TNC: variants seen among roughly 807,000 people sequenced by gnomAD.
TNC encodes tenascin.
In TNC, 109 loss-of-function variants were observed where a neutral mutation model predicts 202.4. That is an observed-to-expected ratio of 0.54 (90% CI 0.46 to 0.63). The LOEUF (loss-of-function observed/expected upper bound fraction) is 0.63. Among genes scored for constraint, TNC ranks in the 30% least tolerant of loss-of-function variants. TNC has a pLI of 0.00. For missense variants in TNC, 2,756 were observed against 2,833.3 expected (o/e 0.97, Z 0.62); for synonymous variants, 1,007 against 1,089.7 (o/e 0.92, Z 1.50).
Position 115,021,071 on chromosome 9 carries a change from T to G in TNC, c.*86A>C. 1 of 1,139,204 alleles carries G rather than the reference T, an allele frequency of 8.8e-7. No homozygotes were observed. Among genetic ancestry groups the G allele is most frequent in the Admixed American group, 1.9e-5 (1 of 52,420 alleles). 70.6% of individuals were successfully genotyped at this position (1,139,204 alleles called of 1,614,324 possible). ...CACCAAATGCCCAGGTGTGGACCGA[T>G]GGTTGGGCTGGTTGTATTGATGCTT... On this transcript the variant is annotated 3_prime_UTR_variant, in exon 28 of 28. Coordinates refer to ENST00000350763, the MANE Select transcript of TNC (RefSeq NM_002160.4).
At chr9:115,083,314 C>A (rs1834449652) in intron 4 of TNC, among the ~76,000 whole-genome samples, 1 of 151,408 alleles carries the variant, frequency 6.6e-6, no homozygotes, top group Non-Finnish European at 1.5e-5. Flanking sequence ...CAATTTCTAG[C>A]CAGAGCTTGC....
chr9:115,082,872 C>G, intron 4 of TNC, 65 bp from the exon 5 acceptor site: 9 of 1,104,652 alleles, frequency 8.1e-6, no homozygotes, highest in Non-Finnish European at 1.2e-5. Flanking sequence ...AACGCGGCCA[C>G]GATTCCACTA....
chr9:115,055,038 A>G (rs62578425), intron 15 of TNC, among the ~76,000 whole-genome samples: 18,696 of 152,168 alleles, frequency 0.12, 1,210 homozygotes, highest in Middle Eastern at 0.21. Flanking sequence ...AAATCCTGCT[A>G]GAGAGAAAAA....
intron 6 of TNC, among the ~76,000 whole-genome samples, chr9:115,078,668 A>C (rs769456323): frequency 6.6e-6 from 1 of 152,180 alleles, no homozygotes; most frequent in Non-Finnish European, 1.5e-5. Context: ...ATTACCAAGC[A>C]GAAAAGTGAG....
Position 115,059,861 on chromosome 9 carries a change from T to G in TNC, c.4175A>C (p.Asn1392Thr). The G allele has an allele frequency of 6.2e-7, 1 of 1,613,916 alleles. No homozygotes were observed. Among genetic ancestry groups the G allele is most frequent in the Non-Finnish European group, 8.5e-7 (1 of 1,179,984 alleles). ...QEVNKVEAAQ[N>T]LTLPGSLRAV... is the part of the protein sequence containing the mutation. ...CCTGAGGCTGCCAGGCAACGTGAGG[T>G]TCTGGGCTGCCTCCACTTTGTTGAC... Residue 1392 changes from asparagine (N) to threonine (T), a missense_variant, in exon 14 of 28, where the codon AAC becomes ACC. Around this residue, in one of 2 missense-constraint regions of TNC, gnomAD observed 2,559 missense variants for 2,546.0 expected, o/e 1.01. Coordinates refer to ENST00000350763, the MANE Select transcript of TNC (RefSeq NM_002160.4).
chr9:115,057,330 AG>A lies in TNC; in HGVS notation c.4401del (p.Phe1468LeufsTer68). 1 of 1,614,206 alleles carries A rather than the reference AG, an allele frequency of 6.2e-7. No homozygotes were observed. Among genetic ancestry groups the A allele is most frequent in the Non-Finnish European group, 8.5e-7 (1 of 1,180,032 alleles). On this transcript the variant is annotated frameshift_variant, in exon 15 of 28. Transcript: ENST00000350763. LOFTEE classifies it high-confidence loss of function. ...SWMATDGIFE[T>X]FTIEIIDSNR... ...TTGGAATCAATAATTTCAATGGTAAAGGTCTCGAAGATCCCATCGGTAGCCA... is the reference window on the plus strand; with the variant it reads ...TTGGAATCAATAATTTCAATGGTAAAGTCTCGAAGATCCCATCGGTAGCCA...
chr9:115,035,941 A>G (rs1830289695), intron 21 of TNC, 157 bp downstream of exon 21: 2 of 845,114 alleles, frequency 2.4e-6, no homozygotes, highest in Non-Finnish European at 3.7e-6. Context: ...TCAGGCCTTG[A>G]CTGAGTGGGC....
intron 3 of TNC, among the ~76,000 whole-genome samples, chr9:115,085,648 C>A (rs1225992409): frequency 6.6e-6 from 1 of 152,226 alleles, no homozygotes; most frequent in Non-Finnish European, 1.5e-5. Flanking sequence ...TATAACCTCT[C>A]TGAGCCCTTC....
rs140585326 is a variant in TNC, at chr9:115,040,993, G to A, written c.5340C>T (p.Ile1780=). The A allele has an allele frequency of 6.8e-6, 11 of 1,613,924 alleles. No individual in the cohort carries two copies. Among genetic ancestry groups the A allele is most frequent in the East Asian group, 2.2e-5 (1 of 44,876 alleles). Residue 1780 remains isoleucine (I), a synonymous_variant, in exon 19 of 28, where the codon ATC becomes ATT. Transcript: ENST00000350763. The stretch of plus-strand genomic sequence containing the variant: ...CACTTTCCTCAAAGCCCTTCATGGC[G>A]ATGATGCTGACAAGGTACTCCACGC... ...IPGVEYLVSI[I]AMKGFEESEP... is the part of the protein sequence containing the mutation.
intron 1 of TNC, among the ~76,000 whole-genome samples, chr9:115,116,290 A>C (rs1325212119): frequency 6.6e-6 from 1 of 152,198 alleles, no homozygotes; most frequent in Non-Finnish European, 1.5e-5. Flanking sequence ...ATCCTTGTCC[A>C]ATTTACCCTG....
chr9:115,090,479 T>C (rs571996444), intron 2 of TNC, 83 bp downstream of exon 2: 1 of 1,169,102 alleles, frequency 8.6e-7, no homozygotes, highest in Non-Finnish European at 1.2e-6. Context: ...GAGCCCACTT[T>C]GGAAGCAAGT....
At chr9:115,051,628 T>C (rs1426758302) in intron 15 of TNC, among the ~76,000 whole-genome samples, 1 of 151,734 alleles carries the variant, frequency 6.6e-6, no homozygotes, top group African/African-American at 2.4e-5. Context: ...TAGCTGCATC[T>C]AGCTGCATCT....
chr9:115,117,393 C>T (rs1209546631), intron 1 of TNC, among the ~76,000 whole-genome samples: 3 of 152,192 alleles, frequency 2.0e-5, no homozygotes, highest in Non-Finnish European at 4.4e-5. Flanking sequence ...TCTCTAGCTG[C>T]CTGTCAGTTA....
intron 26 of TNC, among the ~76,000 whole-genome samples, chr9:115,024,379 T>C (rs1391265235): frequency 6.6e-6 from 1 of 152,216 alleles, no homozygotes; most frequent in Non-Finnish European, 1.5e-5. Context: ...TTGGAGAGTC[T>C]AGCTTCGAAT....
intron 15 of TNC, among the ~76,000 whole-genome samples, chr9:115,051,695 T>G (rs1330364): frequency 0.62 from 93,792 of 151,286 alleles, 29,436 homozygotes; most frequent in African/African-American, 0.71. Context: ...TATACTTTTG[T>G]CACATATATG....
At chr9:115,063,212 T>C in intron 12 of TNC, 23 bp from the exon 13 acceptor site, 1 of 1,606,748 alleles carries the variant, frequency 6.2e-7, no homozygotes, top group South Asian at 1.1e-5. Flanking sequence ...ACAGAGTTGC[T>C]GAGTTACTTA....
chr9:115,084,498 G>A, intron 3 of TNC, 26 bp from the exon 4 acceptor site: 3 of 1,608,618 alleles, frequency 1.9e-6, no homozygotes, highest in Admixed American at 1.7e-5. Context: ...AAGGACATCT[G>A]GTGTCAACAG....
intron 19 of TNC, among the ~76,000 whole-genome samples, chr9:115,038,882 C>A (rs1305673191): frequency 2.0e-5 from 3 of 152,000 alleles, no homozygotes; most frequent in Non-Finnish European, 4.4e-5. Flanking sequence ...TGCTGGAGTG[C>A]AGTGGCACGA....
At chr9:115,097,315 G>A (rs1756424229) in intron 1 of TNC, among the ~76,000 whole-genome samples, 1 of 152,204 alleles carries the variant, frequency 6.6e-6, no homozygotes, top group Non-Finnish European at 1.5e-5. Context: ...CATATGTTAA[G>A]CTACTGGCAC....
Sources: gnomAD v4.1 joint callset for allele counts (sites outside exome capture counted in the v4.1 genomes callset) on GRCh38, gnomAD v4.1.1 for gene constraint, gnomAD v4.1.1 regional missense constraint, MANE v1.5 for transcripts, NCBI Gene and HGNC (gene_info 2026-07-23, HGNC 2026-07-21) for gene names.